Variants in ZMIZ1 observed in about 807,000 individuals in gnomAD.
ZMIZ1 encodes the protein zinc finger MIZ domain-containing protein 1.
In ZMIZ1, 17 loss-of-function variants were observed where a neutral mutation model predicts 113.9. The observed-to-expected ratio is 0.15, with a 90% CI of 0.10 to 0.22. The LOEUF is 0.22. Among genes scored for constraint, ZMIZ1 ranks in the 10% least tolerant of loss-of-function variants. The pLI, the probability that ZMIZ1 is intolerant of heterozygous loss-of-function variation, is 1.00. For synonymous variants in ZMIZ1, 607 were observed against 603.1 expected, an observed-to-expected ratio of 1.01 and a Z score of -0.09; for missense variants, 1,059 against 1,477.8, an observed-to-expected ratio of 0.72 and a Z score of 4.65.
chr10:79,124,611 C>T (rs919812786), intron 2 of ZMIZ1, among the ~76,000 whole-genome samples: 8 of 152,308 alleles, frequency 5.3e-5, no homozygotes, highest in African/African-American at 1.2e-4. Context: ...GCTCCAGGTC[C>T]GGAGTTCTGA....
chr10:79,281,879 G>T (rs1198684229), intron 8 of ZMIZ1, among the ~76,000 whole-genome samples: 1 of 152,222 alleles, frequency 6.6e-6, no homozygotes, highest in Non-Finnish European at 1.5e-5. Context: ...GCACAGGGCT[G>T]TGCTATTTAG....
intron 1 of ZMIZ1, among the ~76,000 whole-genome samples, chr10:79,114,711 AG>A (rs952383352): frequency 6.6e-5 from 10 of 152,096 alleles, no homozygotes; most frequent in African/African-American, 2.4e-4. Context: ...TGGGGGGCCC[AG>A]GGGGGCTAGG....
At chr10:79,294,949 G>GC (rs1179039178) in intron 12 of ZMIZ1, 61 of 144,944 alleles carry the variant, frequency 4.2e-4, no homozygotes, top group Non-Finnish European at 7.5e-4. Flanking sequence ...GAGAGGGGGG[G>GC]GGGTCAGGGG....
intron 7 of ZMIZ1, among the ~76,000 whole-genome samples, chr10:79,221,981 G>A (rs1189597348): frequency 6.6e-6 from 1 of 152,238 alleles, no homozygotes; most frequent in East Asian, 1.9e-4. Context: ...AGCAGGTCCA[G>A]GAGGCCTTGG....
At chr10:79,129,355 G>A (rs961892009) in intron 2 of ZMIZ1, among the ~76,000 whole-genome samples, 1 of 152,308 alleles carries the variant, frequency 6.6e-6, no homozygotes, top group African/African-American at 2.4e-5. Flanking sequence ...CCTGTCACTT[G>A]TGGGCAAACC....
intron 23 of ZMIZ1, among the ~76,000 whole-genome samples, chr10:79,307,866 A>G (rs1046298918): frequency 2.0e-5 from 3 of 151,970 alleles, no homozygotes; most frequent in Admixed American, 6.6e-5. Context: ...GCCACTACCC[A>G]GCACACGCCA....
rs969756608 is a variant in ZMIZ1 at position 79,240,705 on chromosome 10, G to A, written c.280+24431G>A. Among the ~76,000 whole-genome samples, 4 of 136,574 alleles carry A rather than the reference G, an allele frequency of 2.9e-5. No homozygotes were observed. The South Asian group carries it at 6.8e-4, about 23-fold the overall frequency. The allele number at this position is 136,574 out of a possible 152,430, so 89.6% of individuals were successfully genotyped here. On this transcript the variant is annotated intron_variant, in intron 7 of 24. Transcript: ENST00000334512. ...AGTCTAAAATCTCTGGTCTCAAGCC[G>A]GAGGAGCGTATATTAATTCTCTTCT... is the stretch of plus-strand genomic sequence containing the variant.
At chr10:79,217,206 G>A (rs1214964293) in intron 7 of ZMIZ1, among the ~76,000 whole-genome samples, 1 of 152,178 alleles carries the variant, frequency 6.6e-6, no homozygotes, top group Non-Finnish European at 1.5e-5. Flanking sequence ...AGCAGATCAC[G>A]AGGTCAGGAG....
intron 3 of ZMIZ1, among the ~76,000 whole-genome samples, chr10:79,154,560 A>G (rs1381512264): frequency 6.6e-6 from 1 of 152,240 alleles, no homozygotes; most frequent in Non-Finnish European, 1.5e-5. Context: ...GGCCACCCCC[A>G]GCTAGGCGCC....
In ZMIZ1 at chr10:79,091,848, G is replaced by A. The variant is rs142961078; in HGVS notation, c.-337+22578G>A. Among the ~76,000 whole-genome samples, 588 of 152,334 alleles carry A rather than the reference G, an allele frequency of 3.9e-3. 1 individual carries two copies. The highest frequency in any genetic ancestry group is 6.3e-3 in the Non-Finnish European group (428 of 68,030). ...GGAACACTTATTCTAGAAGTGGGGA[G>A]GGAGAGGTGTGTGACAGACTGGGTG... On this transcript the variant is annotated intron_variant, in intron 1 of 24. Coordinates refer to ENST00000334512, the MANE Select transcript of ZMIZ1 (RefSeq NM_020338.4).
At chr10:79,216,752 C>T (rs11002876) in intron 7 of ZMIZ1, among the ~76,000 whole-genome samples, 6 of 152,226 alleles carry the variant, frequency 3.9e-5, no homozygotes, top group African/African-American at 1.4e-4. Context: ...TTATACTCCA[C>T]TACGTTCATT....
intron 4 of ZMIZ1, among the ~76,000 whole-genome samples, chr10:79,182,415 T>G (rs1428697666): frequency 6.6e-6 from 1 of 152,024 alleles, no homozygotes; most frequent in Non-Finnish European, 1.5e-5. Flanking sequence ...GAGGGCCTGC[T>G]TCTCGAGAGA....
At chr10:79,279,618 G>A (rs1011230594) in intron 8 of ZMIZ1, among the ~76,000 whole-genome samples, 2 of 152,224 alleles carry the variant, frequency 1.3e-5, no homozygotes, top group Admixed American at 1.3e-4. Flanking sequence ...CAGGCAGCTG[G>A]GAGGTGGAGA....
At chr10:79,176,906 G>A (rs1330220957) in intron 4 of ZMIZ1, among the ~76,000 whole-genome samples, 1 of 152,240 alleles carries the variant, frequency 6.6e-6, no homozygotes, top group Admixed American at 6.5e-5. Context: ...GCTCCAGGAG[G>A]CCAGGGATTG....
chr10:79,148,881 G>A (rs1393276153), intron 3 of ZMIZ1, among the ~76,000 whole-genome samples: 3 of 152,290 alleles, frequency 2.0e-5, no homozygotes, highest in South Asian at 4.1e-4. Flanking sequence ...AGTCCCTCCC[G>A]GGCTTTCCTC....
intron 1 of ZMIZ1, among the ~76,000 whole-genome samples, chr10:79,089,979 A>G (rs1169213810): frequency 6.6e-6 from 1 of 152,178 alleles, no homozygotes; most frequent in Non-Finnish European, 1.5e-5. Context: ...CACTTTGTAA[A>G]TCATTATGCA....
intron 1 of ZMIZ1, among the ~76,000 whole-genome samples, chr10:79,088,405 G>A (rs1489868951): frequency 6.6e-6 from 1 of 152,210 alleles, no homozygotes; most frequent in Non-Finnish European, 1.5e-5. Context: ...GGGCAAATGA[G>A]CTCCAGCTTG....
intron 18 of ZMIZ1, among the ~76,000 whole-genome samples, chr10:79,303,370 G>A (rs1162681659): frequency 4.1e-5 from 6 of 146,024 alleles, no homozygotes; most frequent in Non-Finnish European, 9.0e-5. Flanking sequence ...GGGAGAATTT[G>A]TTTGAGCTGG....
chr10:79,125,862 C>G (rs1344126749), intron 2 of ZMIZ1, among the ~76,000 whole-genome samples: 1 of 152,216 alleles, frequency 6.6e-6, no homozygotes, highest in Non-Finnish European at 1.5e-5. Context: ...CAACATGGCG[C>G]TTCAGGCTAT....
Sources: gnomAD v4.1 joint callset for allele counts (sites outside exome capture counted in the v4.1 genomes callset) on GRCh38, gnomAD v4.1.1 for gene constraint, MANE v1.5 for transcripts, NCBI Gene and HGNC (gene_info 2026-07-23, HGNC 2026-07-21) for gene names.